NRP1: variants seen among roughly 807,000 people sequenced by gnomAD.
The protein encoded by NRP1 is neuropilin-1.
Under a neutral mutation model 106.7 loss-of-function variants are expected in NRP1, and 35 were observed. The ratio of observed to expected loss-of-function variants is 0.33; its 90% confidence interval spans 0.25 to 0.43. The LOEUF (loss-of-function observed/expected upper bound fraction) is 0.43. Ranked by LOEUF, NRP1 falls within the 20% of genes least tolerant of loss-of-function variation. The probability of loss-of-function intolerance (pLI) is 1.00; values close to 1 mark genes in which losing one functional copy is unlikely to be tolerated. For synonymous variants in NRP1, 437 were observed against 417.9 expected, an observed-to-expected ratio of 1.05 and a Z score of -0.56; for missense variants, 1,024 against 1,170.4, an observed-to-expected ratio of 0.87 and a Z score of 1.83.
At chr10:33,276,178 A>G (rs1393879014) in intron 2 of NRP1, among the ~76,000 whole-genome samples, 1 of 152,214 alleles carries the variant, frequency 6.6e-6, no homozygotes, top group Non-Finnish European at 1.5e-5. Context: ...CTTTATAATC[A>G]GGTAAAAGTT....
chr10:33,275,932 C>A (rs1588900521), intron 2 of NRP1, among the ~76,000 whole-genome samples: 1 of 151,344 alleles, frequency 6.6e-6, no homozygotes, highest in East Asian at 1.9e-4. Flanking sequence ...CAAAACAAAA[C>A]AAAAAAAACT....
At chr10:33,197,548 T>C in intron 12 of NRP1, 102 bp downstream of exon 12, 1 of 807,138 alleles carries the variant, frequency 1.2e-6, no homozygotes, top group Non-Finnish European at 1.9e-6. Context: ...CTGTGTGGCA[T>C]CTCTCCTTCT....
intron 10 of NRP1, chr10:33,205,561 G>A (rs938076144): frequency 6.6e-6 from 1 of 152,342 alleles, no homozygotes; most frequent in African/African-American, 2.4e-5. Context: ...GGGTTGAAAA[G>A]GGGCAGGTGC....
chr10:33,255,349 G>GC (rs1405147615), intron 5 of NRP1, among the ~76,000 whole-genome samples: 2 of 152,142 alleles, frequency 1.3e-5, no homozygotes, highest in African/African-American at 4.8e-5. Flanking sequence ...GAAGATATGA[G>GC]CATATCTGTA....
At chr10:33,324,734 T>G (rs530505579) in intron 2 of NRP1, among the ~76,000 whole-genome samples, 6 of 152,216 alleles carry the variant, frequency 3.9e-5, no homozygotes, top group Admixed American at 6.5e-5. Context: ...GCTTCCCAGG[T>G]TCAAGCCATT....
chr10:33,318,310 T>C lies in NRP1; in HGVS notation c.248+12398A>G, dbSNP rs934544262. On this transcript the variant is annotated intron_variant, in intron 2 of 16. Coordinates refer to ENST00000374867, the MANE Select transcript of NRP1 (RefSeq NM_003873.7). ...CATTCACATATCGGGACCCAGCCCATATGACCCATCTCCTGTCTCACAGAC... is the reference window on the plus strand; with the variant it reads ...CATTCACATATCGGGACCCAGCCCACATGACCCATCTCCTGTCTCACAGAC... Among the ~76,000 whole-genome samples, 3 of 152,154 alleles carry C rather than the reference T, an allele frequency of 2.0e-5. No individual in the cohort carries two copies. The East Asian group carries it at 5.8e-4, about 29-fold the overall frequency.
chr10:33,330,632 ACC>A, intron 2 of NRP1, 74 bp downstream of exon 2: 1 of 1,314,760 alleles, frequency 7.6e-7, no homozygotes, highest in East Asian at 2.4e-5. Flanking sequence ...CATTGTACAC[ACC>A]GACTTCCCCC....
intron 12 of NRP1, 138 bp downstream of exon 12, chr10:33,197,512 T>A (rs1463329211): frequency 1.9e-6 from 1 of 533,578 alleles, no homozygotes; most frequent in Admixed American, 3.8e-5. Context: ...AAGCAATATT[T>A]ATGGCTCATG....
At chr10:33,265,566 G>T (rs1194335617) in intron 3 of NRP1, among the ~76,000 whole-genome samples, 1 of 152,190 alleles carries the variant, frequency 6.6e-6, no homozygotes, top group Non-Finnish European at 1.5e-5. Context: ...AGTGCATCTG[G>T]CAGCCTGTTG....
intron 2 of NRP1, among the ~76,000 whole-genome samples, chr10:33,284,874 G>C (rs769542351): frequency 1.3e-5 from 2 of 152,170 alleles, no homozygotes; most frequent in Admixed American, 1.3e-4. Flanking sequence ...AATCAGTGCC[G>C]TCATGAAGGG....
chr10:33,244,238 C>A (rs183604069), intron 6 of NRP1, among the ~76,000 whole-genome samples: 1 of 152,182 alleles, frequency 6.6e-6, no homozygotes, highest in Admixed American at 6.6e-5. Flanking sequence ...TGCTCTGGTG[C>A]TTTCAAATTA....
intron 16 of NRP1, among the ~76,000 whole-genome samples, chr10:33,182,379 G>A (rs542797327): frequency 1.3e-5 from 2 of 152,284 alleles, no homozygotes; most frequent in African/African-American, 4.8e-5. Context: ...GATAAACTGA[G>A]TGTGTTTGAG....
intron 6 of NRP1, among the ~76,000 whole-genome samples, chr10:33,232,638 C>CTTTTTTTTTT (rs71030049): frequency 2.1e-5 from 2 of 94,210 alleles, no homozygotes; most frequent in South Asian, 3.9e-4. Flanking sequence ...TTTTCTTTTC[C>CTTTTTTTTTT]TTTTTTTTTT....
chr10:33,276,682 T>C (rs549800802), intron 2 of NRP1, among the ~76,000 whole-genome samples: 1 of 152,288 alleles, frequency 6.6e-6, no homozygotes, highest in African/African-American at 2.4e-5. Context: ...TGTGGGGGGA[T>C]GGGTGTGTCC....
chr10:33,269,539 T>C (rs1843149661), intron 3 of NRP1, among the ~76,000 whole-genome samples: 1 of 152,226 alleles, frequency 6.6e-6, no homozygotes, highest in Admixed American at 6.5e-5. Flanking sequence ...TAAGAATAAA[T>C]GCTTTTTAAA....
chr10:33,231,731 A>G (rs1840151193), intron 6 of NRP1, among the ~76,000 whole-genome samples: 1 of 152,162 alleles, frequency 6.6e-6, no homozygotes, highest in African/African-American at 2.4e-5. Context: ...ATGCAGCATC[A>G]AGGAAAAGGT....
chr10:33,285,864 AAAC>A (rs71521494), intron 2 of NRP1, among the ~76,000 whole-genome samples: 28 of 151,642 alleles, frequency 1.8e-4, no homozygotes, highest in South Asian at 4.2e-4. Flanking sequence ...AAAACAAAAC[AAAC>A]AACAACAACA....
rs1163635628 is a variant in NRP1 at position 33,180,340 on chromosome 10, T to C, written c.2508A>G (p.Glu836=). 1 of 1,603,280 alleles carries C rather than the reference T, an allele frequency of 6.2e-7. No homozygotes were observed. Among genetic ancestry groups the C allele is most frequent in the Non-Finnish European group, 8.5e-7 (1 of 1,171,644 alleles). ...ETGSTPGYEG[E]GEGDKNISRK... ...TGGAGATGTTCTTGTCACCTTCTCC[T>C]TCACCTTCGTATCCTGGCGTGCTCC... Residue 836 remains glutamate (E), a synonymous_variant, in exon 17 of 17, where the codon GAA becomes GAG. Coordinates refer to ENST00000374867, the MANE Select transcript of NRP1 (RefSeq NM_003873.7).
intron 2 of NRP1, among the ~76,000 whole-genome samples, chr10:33,279,237 G>A (rs1464430827): frequency 2.6e-5 from 4 of 152,182 alleles, no homozygotes; most frequent in Non-Finnish European, 2.9e-5. Context: ...AGGTCTACAG[G>A]TCAGAAGTCT....
Sources: allele counts gnomAD v4.1 joint callset (sites outside exome capture counted in the v4.1 genomes callset), GRCh38; gene constraint gnomAD v4.1.1; transcripts MANE v1.5; gene names NCBI Gene and HGNC (gene_info 2026-07-23, HGNC 2026-07-21).